The following JAM3 variants were observed in gnomAD, a reference collection of about 807,000 sequenced individuals.
JAM3 encodes the protein junctional adhesion molecule 3.
A neutral mutation model predicts 39.4 loss-of-function variants in JAM3; 31 were observed. That is an observed-to-expected ratio of 0.79 (90% CI 0.59 to 1.06). JAM3 has a LOEUF of 1.06. Ranked by LOEUF, JAM3 falls within the 50% of genes least tolerant of loss-of-function variation. The pLI is 0.00. For synonymous variants in JAM3, 182 were observed against 148.7 expected (o/e 1.22, Z -1.63); for missense variants, 455 against 391.4 (o/e 1.16, Z -1.37).
In JAM3 at chr11:134,148,611, C is replaced by T. The variant is rs1296956779; in HGVS notation, c.777C>T (p.Ile259=). ...TTGTCCTTGCTGTACTGGCCCTGATCACGTTGGGCATCTGCTGTGCATACA... is the reference window on the plus strand; with the variant it reads ...TTGTCCTTGCTGTACTGGCCCTGATTACGTTGGGCATCTGCTGTGCATACA... The part of the protein sequence containing the change: ...VLVVLAVLAL[I]TLGICCAYRR... The change falls in exon 7 of 9, where the codon ATC becomes ATT. Residue 259 remains isoleucine, a synonymous_variant. Coordinates refer to ENST00000299106, the MANE Select transcript of JAM3 (RefSeq NM_032801.5). 2 of 1,614,108 alleles carry T rather than the reference C, an allele frequency of 1.2e-6. No individual in the cohort carries two copies. The highest frequency in any genetic ancestry group is 3.3e-5 in the Admixed American group (2 of 60,012).
rs942069445 is a variant in JAM3, at chr11:134,149,253, G to A, written c.*72G>A. 6.3e-7 allele frequency: 1 copy of A among 1,587,670 alleles called. No homozygotes were observed. Among genetic ancestry groups the A allele is most frequent in the Non-Finnish European group, 8.6e-7 (1 of 1,157,418 alleles). On this transcript the variant is annotated 3_prime_UTR_variant, in exon 9 of 9. Transcript: ENST00000299106. ...TCTGCTAGAAACTCCTGTCAAGGCAGCGAGAGCTGATGCACTCGGACAGAG... is the reference window on the plus strand; with the variant it reads ...TCTGCTAGAAACTCCTGTCAAGGCAACGAGAGCTGATGCACTCGGACAGAG...
At chr11:134,130,682 T>G (rs1000873444) in intron 1 of JAM3, among the ~76,000 whole-genome samples, 1 of 152,226 alleles carries the variant, frequency 6.6e-6, no homozygotes, top group Admixed American at 6.5e-5. Flanking sequence ...TTACACACCC[T>G]TGCCCTACCC....
chr11:134,108,096 C>G (rs1312274211), intron 1 of JAM3, among the ~76,000 whole-genome samples: 2 of 151,850 alleles, frequency 1.3e-5, no homozygotes, highest in Admixed American at 6.6e-5. Flanking sequence ...AACAAGTTAA[C>G]AATGCCAGGA....
intron 1 of JAM3, among the ~76,000 whole-genome samples, chr11:134,117,329 A>T (rs1942454989): frequency 6.6e-6 from 1 of 152,220 alleles, no homozygotes; most frequent in Non-Finnish European, 1.5e-5. Context: ...CTGAGCTGAG[A>T]TCACACCATT....
At chr11:134,078,916 G>A (rs902714490) in intron 1 of JAM3, among the ~76,000 whole-genome samples, 2 of 152,160 alleles carry the variant, frequency 1.3e-5, no homozygotes, top group African/African-American at 4.8e-5. Context: ...ACATGCGCCT[G>A]TAATCCCAGC....
intron 1 of JAM3, among the ~76,000 whole-genome samples, chr11:134,076,410 C>T (rs909037938): frequency 6.6e-6 from 1 of 152,086 alleles, no homozygotes; most frequent in Non-Finnish European, 1.5e-5. Flanking sequence ...CTGCCTCGGC[C>T]TCCCAAAGTG....
intron 1 of JAM3, among the ~76,000 whole-genome samples, chr11:134,108,745 A>G (rs562304811): frequency 2.9e-4 from 44 of 152,326 alleles, no homozygotes; most frequent in Admixed American, 5.2e-4. Flanking sequence ...TTCAACATCC[A>G]TTTATGATAA....
At chr11:134,094,899 G>T (rs1056188234) in intron 1 of JAM3, among the ~76,000 whole-genome samples, 1 of 152,162 alleles carries the variant, frequency 6.6e-6, no homozygotes, top group African/African-American at 2.4e-5. Flanking sequence ...AATAATGTTC[G>T]ACATTTGTTG....
intron 2 of JAM3, 139 bp from the exon 3 acceptor site, chr11:134,140,518 G>T: frequency 2.8e-6 from 2 of 708,358 alleles, no homozygotes; most frequent in Non-Finnish European, 5.1e-6. Context: ...CTTTCTCAAA[G>T]TCTCTTGGAG....
At chr11:134,080,615 A>T (rs1426399748) in intron 1 of JAM3, among the ~76,000 whole-genome samples, 2 of 152,154 alleles carry the variant, frequency 1.3e-5, no homozygotes, top group Admixed American at 1.3e-4. Context: ...TTCTGCCGTG[A>T]TTGTGAGGCC....
intron 1 of JAM3, among the ~76,000 whole-genome samples, chr11:134,129,318 G>T (rs1429823425): frequency 6.6e-6 from 1 of 151,942 alleles, no homozygotes; most frequent in Admixed American, 6.6e-5. Context: ...GGGTTTCACA[G>T]TGTTAGCCAG....
At chr11:134,119,105 T>C (rs965800468) in intron 1 of JAM3, among the ~76,000 whole-genome samples, 3 of 151,980 alleles carry the variant, frequency 2.0e-5, no homozygotes, top group Non-Finnish European at 2.9e-5. Flanking sequence ...TTTTTTTTTT[T>C]AGTAGAGACA....
intron 3 of JAM3, among the ~76,000 whole-genome samples, chr11:134,142,207 C>T (rs1013017974): frequency 6.6e-6 from 1 of 152,044 alleles, no homozygotes. Context: ...GATGGGGAGG[C>T]CGAGGGAGAC....
intron 1 of JAM3, among the ~76,000 whole-genome samples, chr11:134,072,510 A>G (rs1941498562): frequency 6.6e-6 from 1 of 152,186 alleles, no homozygotes; most frequent in South Asian, 2.1e-4. Flanking sequence ...GGGTTTCACC[A>G]TGTTGGCCAG....
intron 1 of JAM3, among the ~76,000 whole-genome samples, chr11:134,101,373 G>C (rs1394289958): frequency 6.6e-6 from 1 of 152,176 alleles, no homozygotes; most frequent in Non-Finnish European, 1.5e-5. Context: ...AGAGTCATTT[G>C]AAATGCAGAA....
At chr11:134,129,865 G>T (rs1228329410) in intron 1 of JAM3, among the ~76,000 whole-genome samples, 1 of 152,144 alleles carries the variant, frequency 6.6e-6, no homozygotes, top group East Asian at 1.9e-4. Context: ...AGCCGGGCGT[G>T]GTGGCAGGCG....
chr11:134,128,348 A>G (rs1942694597), intron 1 of JAM3, among the ~76,000 whole-genome samples: 1 of 152,238 alleles, frequency 6.6e-6, no homozygotes, highest in South Asian at 2.1e-4. Context: ...GTCATTGAAC[A>G]AAATACTTAA....
At chr11:134,141,458 G>C (rs989624973) in intron 3 of JAM3, among the ~76,000 whole-genome samples, 6 of 151,986 alleles carry the variant, frequency 3.9e-5, no homozygotes, top group South Asian at 2.1e-4. Flanking sequence ...GGGAGGAGAG[G>C]GGGGAGAGGG....
intron 1 of JAM3, among the ~76,000 whole-genome samples, chr11:134,122,913 T>G (rs368950137): frequency 3.9e-5 from 6 of 152,154 alleles, no homozygotes; most frequent in Admixed American, 3.3e-4. Flanking sequence ...CCTGGACATC[T>G]TTGTTGATGG....
Sources: allele counts gnomAD v4.1 joint callset (sites outside exome capture counted in the v4.1 genomes callset), GRCh38; gene constraint gnomAD v4.1.1; transcripts MANE v1.5; gene names NCBI Gene and HGNC (gene_info 2026-07-23, HGNC 2026-07-21).